The following COL21A1 variants were observed in gnomAD, a reference collection of about 807,000 sequenced individuals.
COL21A1 encodes the protein collagen type XXI alpha 1 chain.
COL21A1 carries 149 observed loss-of-function variants against 137.9 expected under a neutral mutation model. The observed-to-expected ratio is 1.08, with a 90% CI of 0.95 to 1.24. The LOEUF is 1.24. Among genes scored for constraint, COL21A1 ranks in the 50% most tolerant of loss-of-function variants. COL21A1 has a pLI of 0.00. For missense variants in COL21A1, 1,167 were observed against 1,158.4 expected (o/e 1.01, Z -0.11); for synonymous variants, 456 against 391.5 (o/e 1.16, Z -1.95).
intron 1 of COL21A1, among the ~76,000 whole-genome samples, chr6:56,325,322 T>TATATTATAA (rs1491584312): frequency 0.029 from 12 of 418 alleles, 5 homozygotes; most frequent in Non-Finnish European, 0.25. Flanking sequence ...ATATTATATA[T>TATATTATAA]TATATATATT....
chr6:56,275,018 T>G (rs1384363108), intron 1 of COL21A1, among the ~76,000 whole-genome samples: 2 of 151,876 alleles, frequency 1.3e-5, no homozygotes, highest in African/African-American at 4.8e-5. Flanking sequence ...AAACAGTCAC[T>G]TAGACAAATG....
intron 12 of COL21A1, among the ~76,000 whole-genome samples, chr6:56,133,539 G>A (rs1773738196): frequency 6.6e-6 from 1 of 152,180 alleles, no homozygotes; most frequent in Non-Finnish European, 1.5e-5. Context: ...ATTTAAGCCG[G>A]CTGCAGGAAT....
At chr6:56,161,454 C>T (rs981765268) in intron 9 of COL21A1, among the ~76,000 whole-genome samples, 10 of 151,944 alleles carry the variant, frequency 6.6e-5, no homozygotes, top group African/African-American at 2.2e-4. Context: ...AGAACAGAAG[C>T]GCGTTCCATA....
intron 1 of COL21A1, among the ~76,000 whole-genome samples, chr6:56,283,028 TG>T (rs771314033): frequency 1.7e-4 from 26 of 152,330 alleles, no homozygotes; most frequent in Middle Eastern, 3.4e-3. Context: ...AATAATGAGA[TG>T]TTATAGAAAT....
intron 1 of COL21A1, among the ~76,000 whole-genome samples, chr6:56,378,994 G>A (rs929709334): frequency 6.6e-6 from 1 of 152,232 alleles, no homozygotes; most frequent in African/African-American, 2.4e-5. Context: ...ACCTCTACAA[G>A]TCTGCAAGAA....
At chr6:56,246,525 G>A (rs1445734131) in intron 1 of COL21A1, among the ~76,000 whole-genome samples, 1 of 151,472 alleles carries the variant, frequency 6.6e-6, no homozygotes, top group Non-Finnish European at 1.5e-5. Flanking sequence ...AGGTTCTTCT[G>A]AAAAGTGGTC....
intron 16 of COL21A1, among the ~76,000 whole-genome samples, chr6:56,121,291 G>A (rs1399989728): frequency 6.6e-6 from 1 of 151,688 alleles, no homozygotes; most frequent in African/African-American, 2.4e-5. Flanking sequence ...ATCTGAAAAG[G>A]CTACATAATG....
intron 1 of COL21A1, among the ~76,000 whole-genome samples, chr6:56,319,316 C>T (rs1764813698): frequency 6.6e-6 from 1 of 151,996 alleles, no homozygotes; most frequent in Non-Finnish European, 1.5e-5. Flanking sequence ...CTGCAGGTGG[C>T]CTGGAACAGA....
At chr6:56,371,042 C>T (rs1196876281) in intron 1 of COL21A1, among the ~76,000 whole-genome samples, 1 of 152,210 alleles carries the variant, frequency 6.6e-6, no homozygotes, top group African/African-American at 2.4e-5. Flanking sequence ...CCTCTAGGAT[C>T]TGCACCACAT....
At chr6:56,299,662 T>C (rs961908785) in intron 1 of COL21A1, among the ~76,000 whole-genome samples, 6 of 152,114 alleles carry the variant, frequency 3.9e-5, no homozygotes, top group African/African-American at 1.2e-4. Context: ...TCATATTTTC[T>C]GATCAGACTT....
chr6:56,173,166 ACATGGCAAAACCC>A (rs1406205538), intron 3 of COL21A1, among the ~76,000 whole-genome samples: 1 of 152,188 alleles, frequency 6.6e-6, no homozygotes, highest in African/African-American at 2.4e-5. Context: ...AGCCTGGGCA[ACATGGCAAAACCC>A]CATCTCTACA....
intron 23 of COL21A1, among the ~76,000 whole-genome samples, chr6:56,065,537 G>A (rs1038941180): frequency 5.9e-5 from 9 of 151,974 alleles, no homozygotes; most frequent in Non-Finnish European, 1.3e-4. Flanking sequence ...GATATTATTG[G>A]AACTTAGGAA....
intron 1 of COL21A1, among the ~76,000 whole-genome samples, chr6:56,334,832 C>T (rs541770799): frequency 6.6e-6 from 1 of 152,252 alleles, no homozygotes; most frequent in Admixed American, 6.5e-5. Context: ...CGGGAGAGGG[C>T]TCCTGATTAA....
intron 10 of COL21A1, among the ~76,000 whole-genome samples, chr6:56,146,577 A>G (rs1774852156): frequency 6.6e-6 from 1 of 152,104 alleles, no homozygotes; most frequent in South Asian, 2.1e-4. Context: ...AAAGAACTAC[A>G]CTGCTATGGG....
chr6:56,134,448 G>A (rs1773824795), intron 12 of COL21A1, among the ~76,000 whole-genome samples: 1 of 152,176 alleles, frequency 6.6e-6, no homozygotes, highest in Non-Finnish European at 1.5e-5. Context: ...TAAGTGGAAA[G>A]GACTTGCCTT....
intron 16 of COL21A1, among the ~76,000 whole-genome samples, chr6:56,121,487 T>C (rs1561886675): frequency 7.8e-6 from 1 of 128,128 alleles, no homozygotes; most frequent in Non-Finnish European, 1.7e-5. Context: ...TATATACATA[T>C]ACATATATAT....
chr6:56,355,618 A>G (rs2152347529), intron 1 of COL21A1, among the ~76,000 whole-genome samples: 1 of 152,328 alleles, frequency 6.6e-6, no homozygotes, highest in Non-Finnish European at 1.5e-5. Flanking sequence ...AATAGTGCTC[A>G]TTTTTAAGGT....
intron 1 of COL21A1, among the ~76,000 whole-genome samples, chr6:56,187,959 T>A (rs574039707): frequency 1.2e-3 from 185 of 152,206 alleles, no homozygotes; most frequent in Non-Finnish European, 2.3e-3. Context: ...AACAACACAA[T>A]TTTTTTAAAT....
intron 1 of COL21A1, among the ~76,000 whole-genome samples, chr6:56,299,338 C>G (rs1764230946): frequency 1.3e-5 from 2 of 152,216 alleles, no homozygotes; most frequent in Non-Finnish European, 2.9e-5. Context: ...ATTGATTTTA[C>G]TTGTTCCCTC....
Sources: gnomAD v4.1 joint callset for allele counts (sites outside exome capture counted in the v4.1 genomes callset) on GRCh38, gnomAD v4.1.1 for gene constraint, MANE v1.5 for transcripts, NCBI Gene and HGNC (gene_info 2026-07-23, HGNC 2026-07-21) for gene names.